IL12RB2: variants seen among roughly 807,000 people sequenced by gnomAD.
IL12RB2 encodes interleukin-12 receptor subunit beta-2.
IL12RB2 carries 82 observed loss-of-function variants against 89.4 expected under a neutral mutation model. The observed-to-expected ratio is 0.92, with a 90% CI of 0.77 to 1.10. IL12RB2 has a LOEUF of 1.10. Ranked by LOEUF, IL12RB2 falls within the 50% of genes least tolerant of loss-of-function variation. The pLI is 0.00. For synonymous variants in IL12RB2, 368 were observed against 370.1 expected (o/e 0.99, Z 0.07); for missense variants, 963 against 1,031.9 (o/e 0.93, Z 0.92).
At chr1:67,388,040 T>C (rs1057208663) in intron 15 of IL12RB2, among the ~76,000 whole-genome samples, 1 of 151,976 alleles carries the variant, frequency 6.6e-6, no homozygotes, top group African/African-American at 2.4e-5. Context: ...TAGTCAGCCA[T>C]GGTGGTGCAC....
At chr1:67,313,213 T>C (rs1346381794) in intron 1 of IL12RB2, among the ~76,000 whole-genome samples, 1 of 146,682 alleles carries the variant, frequency 6.8e-6, no homozygotes, top group Non-Finnish European at 1.5e-5. Flanking sequence ...CATAGTGGAA[T>C]AGCATCAGAT....
At chr1:67,320,197 C>A in intron 2 of IL12RB2, 136 bp from the exon 3 acceptor site, 1 of 1,357,542 alleles carries the variant, frequency 7.4e-7, no homozygotes, top group Non-Finnish European at 1.0e-6. Flanking sequence ...TTTAAAGGTA[C>A]ATGTCATTTT....
At chr1:67,346,677 C>T (rs1325159612) in intron 9 of IL12RB2, among the ~76,000 whole-genome samples, 8 of 152,230 alleles carry the variant, frequency 5.3e-5, no homozygotes, top group East Asian at 3.9e-4. Context: ...TGAGCCACCG[C>T]GCACGGCCAA....
Position 67,395,810 on chromosome 1 carries a change from G to A in IL12RB2, c.2310G>A (p.Leu770=). The change falls in exon 17 of 17, where the codon CTG becomes CTA. Residue 770 remains leucine, a synonymous_variant. Coordinates refer to ENST00000674203, the MANE Select transcript of IL12RB2 (RefSeq NM_001374259.2). ...AACTGGTGGATCTGTACAAGGTGCT[G>A]GAGAGCAGGGGCTCCGACCCAAAGC... The part of the protein sequence containing the change: ...SRQLVDLYKV[L]ESRGSDPKPE... 6.2e-7 allele frequency: 1 copy of A among 1,613,198 alleles called. No individual in the cohort carries two copies. The highest frequency in any genetic ancestry group is 1.7e-5 in the Admixed American group (1 of 59,972).
chr1:67,395,683 A>G lies in IL12RB2; in HGVS notation c.2183A>G (p.Gln728Arg). 6.2e-7 allele frequency: 1 copy of G among 1,614,230 alleles called. No homozygotes were observed. Among genetic ancestry groups the G allele is most frequent in the Non-Finnish European group, 8.5e-7 (1 of 1,180,036 alleles). Reference sequence around the variant, plus strand: ...CATCCCCCCTGCTCCAACTGGCCACAAAGGGAAAAAGGAATCCAAGGTCAT... The same window carrying G: ...CATCCCCCCTGCTCCAACTGGCCACGAAGGGAAAAAGGAATCCAAGGTCAT... ...FRHPPCSNWP[Q>R]REKGIQGHQA... is the part of the protein sequence containing the mutation. The change falls in exon 17 of 17, where the codon CAA becomes CGA. Residue 728 changes from glutamine (Q) to arginine (R), a missense_variant. Transcript: ENST00000674203.
chr1:67,348,186 A>C (rs1420395829), intron 9 of IL12RB2, among the ~76,000 whole-genome samples: 1 of 152,082 alleles, frequency 6.6e-6, no homozygotes, highest in African/African-American at 2.4e-5. Flanking sequence ...TCTGGAAAAA[A>C]AGGGATTCTC....
At chr1:67,341,550 AG>A (rs1340825049) in intron 9 of IL12RB2, among the ~76,000 whole-genome samples, 1 of 38,416 alleles carries the variant, frequency 2.6e-5, no homozygotes, top group Non-Finnish European at 1.1e-4. Flanking sequence ...AAAGAAAGAA[AG>A]AAAGAAAGAA....
At chr1:67,344,275 A>T (rs1221540287) in intron 9 of IL12RB2, among the ~76,000 whole-genome samples, 1 of 152,214 alleles carries the variant, frequency 6.6e-6, no homozygotes, top group Non-Finnish European at 1.5e-5. Context: ...AAAAAGAAAC[A>T]GGTGAAATTA....
intron 4 of IL12RB2, among the ~76,000 whole-genome samples, chr1:67,323,141 G>C (rs980374361): frequency 6.6e-6 from 1 of 151,516 alleles, no homozygotes; most frequent in African/African-American, 2.4e-5. Context: ...GACCTATAAG[G>C]ATATATATAT....
chr1:67,311,854 A>G (rs543400227), intron 1 of IL12RB2, among the ~76,000 whole-genome samples: 23 of 152,302 alleles, frequency 1.5e-4, no homozygotes, highest in African/African-American at 5.3e-4. Flanking sequence ...AATTCTCAAA[A>G]CAATGCAATT....
intron 9 of IL12RB2, among the ~76,000 whole-genome samples, chr1:67,343,437 C>T (rs919871886): frequency 3.3e-5 from 5 of 152,076 alleles, no homozygotes; most frequent in African/African-American, 1.2e-4. Context: ...AAAGTACAGC[C>T]TAATCTATGA....
At chr1:67,393,363 G>C (rs1458885230) in intron 16 of IL12RB2, among the ~76,000 whole-genome samples, 1 of 152,240 alleles carries the variant, frequency 6.6e-6, no homozygotes, top group Admixed American at 6.5e-5. Context: ...CTGCCCCCGA[G>C]GACTTGGCAG....
intron 14 of IL12RB2, among the ~76,000 whole-genome samples, chr1:67,381,462 T>G (rs1664564212): frequency 6.6e-6 from 1 of 152,088 alleles, no homozygotes; most frequent in Non-Finnish European, 1.5e-5. Context: ...TCCCCAGCAC[T>G]CCCATGAAAG....
intron 1 of IL12RB2, among the ~76,000 whole-genome samples, chr1:67,312,206 C>T (rs1655157736): frequency 6.6e-6 from 1 of 152,138 alleles, no homozygotes; most frequent in Admixed American, 6.5e-5. Flanking sequence ...CTTTCCAGCA[C>T]ATCATCCTTC....
At chr1:67,320,803 T>C (rs377138282) in intron 3 of IL12RB2, among the ~76,000 whole-genome samples, 56 of 152,234 alleles carry the variant, frequency 3.7e-4, no homozygotes, top group African/African-American at 1.3e-3. Flanking sequence ...GTTCGTTACA[T>C]AGGTATACAT....
At chr1:67,376,437 G>T (rs938282347) in intron 13 of IL12RB2, among the ~76,000 whole-genome samples, 4 of 152,120 alleles carry the variant, frequency 2.6e-5, no homozygotes, top group Non-Finnish European at 5.9e-5. Context: ...CTTTTCCAAC[G>T]ACTGGCAACT....
At chr1:67,363,216 T>TAATTGACC (rs1662310532) in intron 10 of IL12RB2, among the ~76,000 whole-genome samples, 1 of 144,682 alleles carries the variant, frequency 6.9e-6, no homozygotes. Flanking sequence ...TTCTTATTTT[T>TAATTGACC]TTTTTTTTTT....
rs572505092 is a variant in IL12RB2 at position 67,338,336 on chromosome 1, C to CAAAAAAAAAAAAAAAA, written c.959-266_959-251dup. Among the ~76,000 whole-genome samples the CAAAAAAAAAAAAAAAA allele has an allele frequency of 2.0e-4, 8 of 40,112 alleles. 1 individual carries two copies. Among genetic ancestry groups the CAAAAAAAAAAAAAAAA allele is most frequent in the East Asian group, 5.4e-4 (1 of 1,858 alleles). The allele number at this position is 40,112 out of a possible 152,430, so 26.3% of individuals were successfully genotyped here. The stretch of plus-strand genomic sequence containing the variant: ...GAGGCAACAGAGCAAGATCCTGTCT[C>CAAAAAAAAAAAAAAAA]AAAAAAAAAAAAAAAAAAAAAAAAA... On this transcript the variant is annotated intron_variant, in intron 8 of 16. Coordinates refer to ENST00000674203, the MANE Select transcript of IL12RB2 (RefSeq NM_001374259.2).
Position 67,342,218 on chromosome 1 carries a change from G to GTT in IL12RB2, c.1038+3523_1038+3524dup, listed in dbSNP as rs369184589. 5.6e-3 allele frequency among the ~76,000 whole-genome samples: 841 copies of GTT among 150,380 alleles called. 8 individuals are homozygous for GTT. The highest frequency in any genetic ancestry group is 0.019 in the African/African-American group (767 of 40,954). On this transcript the variant is annotated intron_variant, in intron 9 of 16. Transcript: ENST00000674203. Reference sequence around the variant, plus strand: ...GTTTTTTGTTTTTTGGGTTTTTTTTGTTTTTTTTTGTTTTTGTTTTTTTCC... The same window carrying GTT: ...GTTTTTTGTTTTTTGGGTTTTTTTTGTTTTTTTTTTTGTTTTTGTTTTTTTCC...
Sources: gnomAD v4.1 joint callset for allele counts (sites outside exome capture counted in the v4.1 genomes callset) on GRCh38, gnomAD v4.1.1 for gene constraint, MANE v1.5 for transcripts, NCBI Gene and HGNC (gene_info 2026-07-23, HGNC 2026-07-21) for gene names.